The following TRIM24 variants were observed in gnomAD, a reference collection of about 807,000 sequenced individuals.
TRIM24 encodes tripartite motif containing 24.
Under a neutral mutation model 123.9 loss-of-function variants are expected in TRIM24, and 29 were observed. That is an observed-to-expected ratio of 0.23 (90% CI 0.17 to 0.32). The LOEUF is 0.32. Among genes scored for constraint, TRIM24 ranks in the 10% least tolerant of loss-of-function variants. TRIM24 has a pLI of 1.00. For missense variants in TRIM24, 932 were observed against 1,295.3 expected (o/e 0.72, Z 4.31); for synonymous variants, 456 against 461.1 (o/e 0.99, Z 0.14).
intron 8 of TRIM24, among the ~76,000 whole-genome samples, chr7:138,551,644 C>T (rs1797215509): frequency 6.6e-6 from 1 of 152,130 alleles, no homozygotes; most frequent in Non-Finnish European, 1.5e-5. Flanking sequence ...GGTGTCTAGA[C>T]TTAGGGATTT....
At chr7:138,482,093 T>TA (rs1220452927) in intron 1 of TRIM24, among the ~76,000 whole-genome samples, 2 of 152,204 alleles carry the variant, frequency 1.3e-5, no homozygotes, top group Admixed American at 6.5e-5. Context: ...ATCTATTTGT[T>TA]ACTACCTGCA....
At position 138,565,018 on chromosome 7, in the gene TRIM24, A is replaced by G. The variant is rs571861746; in HGVS notation, c.1531-2463A>G. On this transcript the variant is annotated intron_variant, in intron 9 of 18. Coordinates refer to ENST00000343526, the MANE Select transcript of TRIM24 (RefSeq NM_015905.3). ...CTCTGTTTTGACCCCCACAATTACT[A>G]AATTGTGGGGCACCTCCCTAAGCCA... is the stretch of plus-strand genomic sequence containing the variant. 2.6e-5 allele frequency among the ~76,000 whole-genome samples: 4 copies of G among 152,130 alleles called. No homozygotes were observed. The South Asian group carries it at 6.2e-4, about 24-fold the overall frequency.
At chr7:138,496,426 T>G (rs1300808924) in intron 1 of TRIM24, among the ~76,000 whole-genome samples, 1 of 152,220 alleles carries the variant, frequency 6.6e-6, no homozygotes, top group Non-Finnish European at 1.5e-5. Context: ...ATTTATTTAT[T>G]TTTTATTGTG....
chr7:138,582,127 G>GTACT (rs1215851565), intron 17 of TRIM24, among the ~76,000 whole-genome samples: 4 of 152,096 alleles, frequency 2.6e-5, no homozygotes, highest in African/African-American at 7.2e-5. Context: ...TACATTTTCC[G>GTACT]TACTTATTTT....
chr7:138,581,630 TTTAAAATAAGCTGTGAA>T (rs1797897326), intron 16 of TRIM24, 50 bp from the exon 17 acceptor site: 3 of 1,372,446 alleles, frequency 2.2e-6, no homozygotes, highest in Non-Finnish European at 3.0e-6. Context: ...GAGATTGTTA[TTTAAAATAAGCTGTGAA>T]TTCATTGTTT....
chr7:138,527,783 G>A (rs1796639547), intron 5 of TRIM24, among the ~76,000 whole-genome samples: 1 of 152,096 alleles, frequency 6.6e-6, no homozygotes, highest in Non-Finnish European at 1.5e-5. Context: ...GAGTGTTGCT[G>A]GAATCAGGAG....
At chr7:138,503,697 A>T (rs888863273) in intron 1 of TRIM24, among the ~76,000 whole-genome samples, 1 of 151,832 alleles carries the variant, frequency 6.6e-6, no homozygotes, top group African/African-American at 2.4e-5. Context: ...ACATATGTAT[A>T]CATGTGCCAT....
intron 12 of TRIM24, among the ~76,000 whole-genome samples, chr7:138,575,499 T>C (rs989413851): frequency 3.0e-4 from 46 of 151,482 alleles, no homozygotes; most frequent in African/African-American, 1.1e-3. Flanking sequence ...GGGTCTTTGT[T>C]GTCCAGGCCT....
chr7:138,510,407 T>G lies in TRIM24; in HGVS notation c.484-4805T>G, dbSNP rs183153369. Among the ~76,000 whole-genome samples, 37 of 152,170 alleles carry G rather than the reference T, an allele frequency of 2.4e-4. No individual in the cohort carries two copies. In the South Asian group the frequency reaches 2.5e-3, roughly 10 times the overall value. On this transcript the variant is annotated intron_variant, in intron 2 of 18. Coordinates refer to ENST00000343526, the MANE Select transcript of TRIM24 (RefSeq NM_015905.3). ...TCAAATCATGTGTGTGTGTGGTTTT[T>G]TTTGTTTGTTTGTTTGTTTGTTTGT...
chr7:138,528,561 G>A lies in TRIM24; in HGVS notation c.882-555G>A, dbSNP rs895787341. Among the ~76,000 whole-genome samples, 6 of 151,730 alleles carry A rather than the reference G, an allele frequency of 4.0e-5. No homozygotes were observed. In the East Asian group the frequency reaches 7.7e-4, roughly 20 times the overall value. On this transcript the variant is annotated intron_variant, in intron 5 of 18. Coordinates refer to ENST00000343526, the MANE Select transcript of TRIM24 (RefSeq NM_015905.3). ...TTTCCCACCTCAAGAGAAGTATGTG[G>A]TTGATAAAACATAGTTATTTGGCTG... is the stretch of plus-strand genomic sequence containing the variant.
intron 7 of TRIM24, among the ~76,000 whole-genome samples, chr7:138,539,672 A>G (rs890014553): frequency 1.2e-4 from 19 of 152,164 alleles, no homozygotes; most frequent in African/African-American, 3.9e-4. Flanking sequence ...ATATCATAAT[A>G]AGCCAAGCCA....
intron 14 of TRIM24, among the ~76,000 whole-genome samples, chr7:138,578,385 A>T (rs1227776083): frequency 6.6e-6 from 1 of 152,224 alleles, no homozygotes; most frequent in Non-Finnish European, 1.5e-5. Context: ...TGTGATTTTC[A>T]GAATACTTAA....
chr7:138,557,008 A>C (rs1428126986), intron 9 of TRIM24, among the ~76,000 whole-genome samples: 1 of 152,260 alleles, frequency 6.6e-6, no homozygotes, highest in Non-Finnish European at 1.5e-5. Context: ...TGTAATCCTT[A>C]GCATAGCTTG....
intron 7 of TRIM24, among the ~76,000 whole-genome samples, chr7:138,549,914 A>G (rs1228404799): frequency 6.6e-6 from 1 of 152,204 alleles, no homozygotes; most frequent in Non-Finnish European, 1.5e-5. Context: ...CCATTGTAAC[A>G]GGAGGGGATA....
At chr7:138,545,407 T>G (rs1797082859) in intron 7 of TRIM24, 2 of 456,428 alleles carry the variant, frequency 4.4e-6, no homozygotes, top group Admixed American at 2.4e-5. Flanking sequence ...TTACATTGAG[T>G]AAATAAGTAA....
intron 14 of TRIM24, among the ~76,000 whole-genome samples, chr7:138,578,919 G>GGT (rs1397331341): frequency 8.8e-5 from 13 of 147,782 alleles, no homozygotes; most frequent in Admixed American, 6.6e-5. Context: ...GCTCCAGTGA[G>GGT]GTATATATAT....
chr7:138,469,293 AAAT>A (rs1334910179), intron 1 of TRIM24, among the ~76,000 whole-genome samples: 10 of 151,690 alleles, frequency 6.6e-5, no homozygotes, highest in African/African-American at 2.2e-4. Context: ...CAAGTTTTTC[AAAT>A]TTCTTTCTGC....
intron 6 of TRIM24, among the ~76,000 whole-genome samples, chr7:138,531,205 G>T (rs1478962056): frequency 6.8e-6 from 1 of 146,374 alleles, no homozygotes; most frequent in Non-Finnish European, 1.5e-5. Context: ...ATGTATACAT[G>T]TATACGTGTA....
At chr7:138,523,720 C>CA (rs1796551108) in intron 4 of TRIM24, among the ~76,000 whole-genome samples, 1 of 135,360 alleles carries the variant, frequency 7.4e-6, no homozygotes, top group African/African-American at 2.8e-5. Context: ...CACTGCACTC[C>CA]AGCCTGGGCG....
Sources: gnomAD v4.1 joint callset for allele counts (sites outside exome capture counted in the v4.1 genomes callset) on GRCh38, gnomAD v4.1.1 for gene constraint, MANE v1.5 for transcripts, NCBI Gene and HGNC (gene_info 2026-07-23, HGNC 2026-07-21) for gene names.